SYT16: variants seen among roughly 807,000 people sequenced by gnomAD.
The protein encoded by SYT16 is synaptotagmin 16, also known as synaptotagmin-16.
SYT16 carries 42 observed loss-of-function variants against 61.4 expected under a neutral mutation model. The ratio of observed to expected loss-of-function variants is 0.68; its 90% CI spans 0.53 to 0.89. The LOEUF (loss-of-function observed/expected upper bound fraction) is 0.89, where lower values mean the gene tolerates loss of function less well. SYT16 is among the 40% of genes least tolerant of loss of function. SYT16 has a pLI of 0.00. For synonymous variants in SYT16, 314 were observed against 302.3 expected, an observed-to-expected ratio of 1.04 and a Z score of -0.40; for missense variants, 804 against 807.3, an observed-to-expected ratio of 1.00 and a Z score of 0.05.
chr14:62,043,616 C>T (rs1178336552), intron 3 of SYT16, among the ~76,000 whole-genome samples: 1 of 151,930 alleles, frequency 6.6e-6, no homozygotes, highest in South Asian at 2.1e-4. Flanking sequence ...ACTATGTTAG[C>T]CAGGATGGTC....
At position 61,990,033 on chromosome 14, in the gene SYT16, T is replaced by C. The variant is rs570660756; in HGVS notation, c.-144-5843T>C. Among the ~76,000 whole-genome samples the C allele has an allele frequency of 2.8e-4, 43 of 152,282 alleles. No individual in the cohort carries two copies. In the South Asian group the frequency reaches 7.9e-3, roughly 28 times the overall value. ...ACGTTTAGAACACATTTTGGACAAA[T>C]GCTGTAGAAGATATTTCATTTCAAT... On this transcript the variant is annotated intron_variant, in intron 2 of 7. Coordinates refer to ENST00000683842, the MANE Select transcript of SYT16 (RefSeq NM_001367656.1).
rs1460664315 is a variant in SYT16, at chr14:62,108,007, G to C, written c.*7300G>C. 1.3e-5 allele frequency: 2 copies of C among 152,150 alleles called. No homozygotes were observed. Among genetic ancestry groups the C allele is most frequent in the African/African-American group, 4.8e-5 (2 of 41,436 alleles). 9.4% of individuals were successfully genotyped at this position (152,150 alleles called of 1,614,324 possible). On this transcript the variant is annotated 3_prime_UTR_variant, in exon 8 of 8. Coordinates refer to ENST00000683842, the MANE Select transcript of SYT16 (RefSeq NM_001367656.1). ...CTTTGCTTTTTGAAAGAGTGAACTG[G>C]TAACAGTAGCCGCCAGAGAAAGAGG...
Position 62,080,870 on chromosome 14 carries a change from G to T in SYT16, c.1030G>T (p.Val344Phe). 7 of 1,603,988 alleles carry T rather than the reference G, an allele frequency of 4.4e-6. No individual in the cohort carries two copies. Among genetic ancestry groups the T allele is most frequent in the Non-Finnish European group, 6.0e-6 (7 of 1,175,150 alleles). Residue 344 changes from valine to phenylalanine, a missense_variant, in exon 6 of 8, where the codon GTC becomes TTC. Transcript: ENST00000683842. ...DRTNLQVPSGVSEPISKCGDL... is the reference protein window; with the variant it reads ...DRTNLQVPSGFSEPISKCGDL... ...GACCAATTTGCAGGTGCCATCCGGG[G>T]TCTCAGAGCCCATCTCAAAGTGTGG...
rs1006788802 is a variant in SYT16 at position 62,075,233 on chromosome 14, G to A, written c.835G>A (p.Asp279Asn). 1.2e-6 allele frequency: 2 copies of A among 1,613,818 alleles called. No individual in the cohort carries two copies. Among genetic ancestry groups the A allele is most frequent in the Admixed American group, 1.7e-5 (1 of 59,978 alleles). ...AHSQSPCERG[D>N]AKHHGTSHQE... The stretch of plus-strand genomic sequence containing the variant: ...CTCACAGTCCCCATGTGAAAGAGGG[G>A]ATGCCAAACACCACGGCACATCTCA... The change falls in exon 5 of 8, where the codon GAT (aspartate) becomes AAT (asparagine). Residue 279 changes from aspartate (D) to asparagine (N), a missense_variant. By Grantham distance (23) the Asp-to-Asn change is conservative. Transcript: ENST00000683842.
At chr14:62,087,562 T>C (rs576127713) in intron 7 of SYT16, among the ~76,000 whole-genome samples, 2 of 152,322 alleles carry the variant, frequency 1.3e-5, no homozygotes, top group Admixed American at 6.5e-5. Flanking sequence ...TAGGAACTTT[T>C]CTTCTCTTGA....
chr14:62,010,650 G>A (rs1044424309), intron 3 of SYT16, among the ~76,000 whole-genome samples: 1 of 152,098 alleles, frequency 6.6e-6, no homozygotes, highest in East Asian at 1.9e-4. Flanking sequence ...TCAGGTATAG[G>A]ATCATCACAG....
rs554243722 is a variant in SYT16 at position 61,993,251 on chromosome 14, C to T, written c.-144-2625C>T. On this transcript the variant is annotated intron_variant, in intron 2 of 7. Transcript: ENST00000683842. ...ACACAGGAAGGGGAACATCACACAC[C>T]GGGGCCTGTGGGGGTGTGGGGGGCA... is the stretch of plus-strand genomic sequence containing the variant. Among the ~76,000 whole-genome samples the T allele has an allele frequency of 3.7e-4, 50 of 136,960 alleles. No homozygotes were observed. In the South Asian group the frequency reaches 0.011, roughly 29 times the overall value. The allele number at this position is 136,960 out of a possible 152,430, so 89.9% of individuals were successfully genotyped here.
intron 1 of SYT16, chr14:61,832,120 T>C (rs1475431528): frequency 3.6e-5 from 26 of 726,876 alleles, no homozygotes; most frequent in Non-Finnish European, 6.5e-5. Flanking sequence ...TTGAACTGAA[T>C]GTGATACAAC....
chr14:62,011,874 T>TATACAC (rs1555370041), intron 3 of SYT16, among the ~76,000 whole-genome samples: 1 of 136,418 alleles, frequency 7.3e-6, no homozygotes, highest in African/African-American at 3.1e-5. Context: ...ACACTATATA[T>TATACAC]ACACACACAC....
At chr14:61,846,060 A>T (rs2046438412) in intron 1 of SYT16, among the ~76,000 whole-genome samples, 1 of 152,178 alleles carries the variant, frequency 6.6e-6, no homozygotes, top group Non-Finnish European at 1.5e-5. Flanking sequence ...GAATGTTTTA[A>T]GACTTGTTTT....
chr14:61,849,071 T>C (rs1348049081), intron 1 of SYT16, among the ~76,000 whole-genome samples: 1 of 152,176 alleles, frequency 6.6e-6, no homozygotes, highest in Non-Finnish European at 1.5e-5. Context: ...GGCAGCAGGC[T>C]CCCTTCTGGC....
chr14:61,941,277 G>T (rs895378480), intron 1 of SYT16, among the ~76,000 whole-genome samples: 1 of 152,136 alleles, frequency 6.6e-6, no homozygotes, highest in African/African-American at 2.4e-5. Flanking sequence ...CTCGTTAAAT[G>T]CTTCATCATC....
At chr14:62,010,644 G>C (rs1320528998) in intron 3 of SYT16, among the ~76,000 whole-genome samples, 1 of 152,060 alleles carries the variant, frequency 6.6e-6, no homozygotes, top group Non-Finnish European at 1.5e-5. Context: ...AGGATGTCAG[G>C]TATAGGATCA....
At chr14:61,871,559 T>C (rs2047333943) in intron 1 of SYT16, among the ~76,000 whole-genome samples, 1 of 152,204 alleles carries the variant, frequency 6.6e-6, no homozygotes, top group Non-Finnish European at 1.5e-5. Context: ...GATCACTTCA[T>C]TCATTTATTC....
chr14:61,899,076 C>G (rs551128963), intron 1 of SYT16, among the ~76,000 whole-genome samples: 1 of 152,102 alleles, frequency 6.6e-6, no homozygotes, highest in Non-Finnish European at 1.5e-5. Context: ...ATATTTTGTG[C>G]TGGGTATTCT....
At chr14:61,928,872 C>G (rs899480845) in intron 1 of SYT16, among the ~76,000 whole-genome samples, 1 of 152,170 alleles carries the variant, frequency 6.6e-6, no homozygotes, top group African/African-American at 2.4e-5. Context: ...AAGCACGTCC[C>G]AAAGCACCAT....
intron 3 of SYT16, among the ~76,000 whole-genome samples, chr14:62,037,379 A>G (rs992920735): frequency 4.6e-5 from 7 of 152,180 alleles, no homozygotes; most frequent in African/African-American, 1.4e-4. Flanking sequence ...ACACGTCTTT[A>G]TTAACTATCA....
chr14:61,863,685 C>T (rs919290083), intron 1 of SYT16, among the ~76,000 whole-genome samples: 1 of 152,330 alleles, frequency 6.6e-6, no homozygotes, highest in East Asian at 1.9e-4. Context: ...AAAATCATCA[C>T]CAAATCCAGA....
At position 61,906,783 on chromosome 14, in the gene SYT16, GTCCGTCCA is replaced by G. The variant is rs1250133399; in HGVS notation, c.-324-63345_-324-63338del. Reference sequence around the variant, plus strand: ...CGTCCGTCAATCCATCCATCCGTCCGTCCGTCCATCCATCCATCCATCCATCCATCCAT... The same window carrying G: ...CGTCCGTCAATCCATCCATCCGTCCGTCCATCCATCCATCCATCCATCCAT... On this transcript the variant is annotated intron_variant, in intron 1 of 7. Transcript: ENST00000683842. Among the ~76,000 whole-genome samples the G allele has an allele frequency of 3.5e-4, 20 of 57,748 alleles. No homozygotes were observed. The East Asian group carries it at 5.3e-3, about 15-fold the overall frequency. 37.9% of individuals were successfully genotyped at this position (57,748 alleles called of 152,430 possible).
Sources: allele counts gnomAD v4.1 joint callset (sites outside exome capture counted in the v4.1 genomes callset), GRCh38; gene constraint gnomAD v4.1.1; transcripts MANE v1.5; gene names NCBI Gene and HGNC (gene_info 2026-07-23, HGNC 2026-07-21).